SP8: variants seen among roughly 807,000 people sequenced by gnomAD.
SP8 encodes the protein transcription factor Sp8.
In SP8, 7 loss-of-function variants were observed where a neutral mutation model predicts 15.3. The observed-to-expected ratio is 0.46, with a 90% CI of 0.26 to 0.86. SP8 has a LOEUF of 0.86. Among genes scored for constraint, SP8 ranks in the 40% least tolerant of loss-of-function variants. SP8 has a pLI of 0.16. For missense variants in SP8, 731 were observed against 736.4 expected, an observed-to-expected ratio of 0.99 and a Z score of 0.09; for synonymous variants, 415 against 356.3, an observed-to-expected ratio of 1.16 and a Z score of -1.86.
In SP8 at chr7:20,785,334, G is replaced by GAGTCGGA. The variant is rs1583485104; in HGVS notation, c.482_483insTCCGACT (p.Gly162ProfsTer49). On this transcript the variant is annotated frameshift_variant, in exon 2 of 2. Coordinates refer to ENST00000418710, the MANE Select transcript of SP8 (RefSeq NM_182700.6). LOFTEE classifies it low-confidence loss of function (END_TRUNC). The surrounding 1 kb of genome is among the most constrained non-coding windows in gnomAD (Gnocchi z 7.2). Reference sequence around the variant, plus strand: ...AGTGCGCGGAGGAGCCGCCGCCGCCGCCCCCGCCGCCGCCGCCGCTGCCCC... The same window carrying GAGTCGGA: ...AGTGCGCGGAGGAGCCGCCGCCGCCGAGTCGGACCCCCGCCGCCGCCGCCGCTGCCCC... 2.3e-6 allele frequency: 3 copies of GAGTCGGA among 1,324,172 alleles called. No individual in the cohort carries two copies. The highest frequency in any genetic ancestry group is 2.0e-6 in the Non-Finnish European group (2 of 982,044). 82.0% of individuals were successfully genotyped at this position (1,324,172 alleles called of 1,614,324 possible). A position where few individuals can be genotyped will look rare whatever the true frequency, so the allele number is the denominator to read the frequency against.
In SP8 at chr7:20,784,470, G is replaced by A. The variant is rs1240087783; in HGVS notation, c.1347C>T (p.Leu449=). The change falls in exon 2 of 2, where the codon CTC becomes CTT. Residue 449 remains leucine, a synonymous_variant. Coordinates refer to ENST00000418710, the MANE Select transcript of SP8 (RefSeq NM_182700.6). ...CACTGTGCGTCTTCACGTGCTTGCTGAGGTGGTCGCTGCGCATGAAGCGCT... is the reference window on the plus strand; with the variant it reads ...CACTGTGCGTCTTCACGTGCTTGCTAAGGTGGTCGCTGCGCATGAAGCGCT... ...CNKRFMRSDH[L]SKHVKTHSGG... is the part of the protein sequence containing the mutation. The A allele has an allele frequency of 1.9e-6, 3 of 1,550,684 alleles. No homozygotes were observed. The highest frequency in any genetic ancestry group is 2.6e-6 in the Non-Finnish European group (3 of 1,148,632).
In SP8 at chr7:20,785,540, C is replaced by A; in HGVS notation, c.277G>T (p.Ala93Ser). 1 of 1,303,374 alleles carries A rather than the reference C, an allele frequency of 7.7e-7. No individual in the cohort carries two copies. Among genetic ancestry groups the A allele is most frequent in the Non-Finnish European group, 1.0e-6 (1 of 1,002,070 alleles). 80.7% of individuals were successfully genotyped at this position (1,303,374 alleles called of 1,614,324 possible). A position where few individuals can be genotyped will look rare whatever the true frequency, so the allele number is the denominator to read the frequency against. ...SSSAAAAAAA[A>S]AAAAAALVSD... ...ACCAGGGCCGCGGCAGCCGCGGCTG[C>A]TGCCGCGGCCGCCGCAGCCGCCGAG... Residue 93 changes from alanine (A) to serine (S), a missense_variant, in exon 2 of 2, where the codon GCA (alanine) becomes TCA (serine). Ala to Ser is a moderately conservative substitution (Grantham distance 99). Coordinates refer to ENST00000418710, the MANE Select transcript of SP8 (RefSeq NM_182700.6). This position sits in a 1 kb window ranked among gnomAD's most constrained non-coding sequence, Gnocchi z 7.2.
chr7:20,786,706 C>A lies in SP8; in HGVS notation c.21+72G>T, dbSNP rs369591113. On this transcript the variant is annotated intron_variant, in intron 1 of 1. Transcript: ENST00000418710. This position sits in a 1 kb window ranked among gnomAD's most constrained non-coding sequence, Gnocchi z 4.4. ...CTGATAGCCCGTGGCCTGGCCGGGG[C>A]GACTTTAACCCCCTCCAATCGGCAA... The A allele has an allele frequency of 8.8e-5, 121 of 1,372,404 alleles. No homozygotes were observed. The African/African-American group carries it at 1.1e-3, about 13-fold the overall frequency. The allele number at this position is 1,372,404 out of a possible 1,614,324, so 85.0% of individuals were successfully genotyped here. A position where few individuals can be genotyped will look rare whatever the true frequency, so the allele number is the denominator to read the frequency against.
chr7:20,786,664 A>AT lies in SP8; in HGVS notation c.21+113_21+114insA. 3 of 808,100 alleles carry AT rather than the reference A, an allele frequency of 3.7e-6. No homozygotes were observed. The highest frequency in any genetic ancestry group is 1.7e-5 in the African/African-American group (1 of 57,398). 50.1% of individuals were successfully genotyped at this position (808,100 alleles called of 1,614,324 possible). A position where few individuals can be genotyped will look rare whatever the true frequency, so the allele number is the denominator to read the frequency against. On this transcript the variant is annotated intron_variant, in intron 1 of 1. Coordinates refer to ENST00000418710, the MANE Select transcript of SP8 (RefSeq NM_182700.6). This position sits in a 1 kb window ranked among gnomAD's most constrained non-coding sequence, Gnocchi z 4.4. ...CTTGTATTTAAAGAAAAAAAAAAAA[A>AT]GCTCTCAATAGAGAGACTGATAGCC...
At position 20,784,283 on chromosome 7, in the gene SP8, G is replaced by T. The variant is rs1473149340; in HGVS notation, c.*7C>A. The T allele has an allele frequency of 1.4e-6, 2 of 1,460,424 alleles. No homozygotes were observed. Among genetic ancestry groups the T allele is most frequent in the African/African-American group, 2.9e-5 (2 of 67,822 alleles). 90.5% of individuals were successfully genotyped at this position (1,460,424 alleles called of 1,614,324 possible). ...GGTCGGGGAGAGGGGCGGGCGCAGGGTGGGCGTCACTCTAGGCCGTTGCGG... is the reference window on the plus strand; with the variant it reads ...GGTCGGGGAGAGGGGCGGGCGCAGGTTGGGCGTCACTCTAGGCCGTTGCGG... On this transcript the variant is annotated 3_prime_UTR_variant, in exon 2 of 2. Transcript: ENST00000418710.
rs780120924 is a variant in SP8, at chr7:20,785,535, G to GGCTGCTGCCGCGGCCGCCGCA, written c.261_281dup (p.Ala93_Ala99dup). ...CGGACACCAGGGCCGCGGCAGCCGC[G>GGCTGCTGCCGCGGCCGCCGCA]GCTGCTGCCGCGGCCGCCGCAGCCG... On this transcript the variant is annotated inframe_insertion, in exon 2 of 2. Transcript: ENST00000418710. This position sits in a 1 kb window ranked among gnomAD's most constrained non-coding sequence, Gnocchi z 7.2. The GGCTGCTGCCGCGGCCGCCGCA allele has an allele frequency of 4.2e-6, 5 of 1,194,688 alleles. No homozygotes were observed. Among genetic ancestry groups the GGCTGCTGCCGCGGCCGCCGCA allele is most frequent in the East Asian group, 5.1e-5 (1 of 19,464 alleles). 74.0% of individuals were successfully genotyped at this position (1,194,688 alleles called of 1,614,324 possible).
Position 20,783,994 on chromosome 7 carries a change from G to C in SP8, c.*296C>G, listed in dbSNP as rs1038834270. On this transcript the variant is annotated 3_prime_UTR_variant, in exon 2 of 2. Transcript: ENST00000418710. ...GTGGAGGAGGGGAGGACAAGGAAGAGAGAACGAGAAATAAAGGCCCGACGA... is the reference window on the plus strand; with the variant it reads ...GTGGAGGAGGGGAGGACAAGGAAGACAGAACGAGAAATAAAGGCCCGACGA... The C allele has an allele frequency of 5.2e-5, 22 of 419,066 alleles. No individual in the cohort carries two copies. The highest frequency in any genetic ancestry group is 4.4e-4 in the African/African-American group (21 of 48,048). 26.0% of individuals were successfully genotyped at this position (419,066 alleles called of 1,614,324 possible). A position where few individuals can be genotyped will look rare whatever the true frequency, so the allele number is the denominator to read the frequency against.
Position 20,785,655 on chromosome 7 carries a change from G to A in SP8, c.162C>T (p.Ser54=). The part of the protein sequence containing the change: ...FGKGFHPWKR[S]SSSSSASCNV... ...TGCAGCTGGCGGAAGAAGAGGACGA[G>A]GAGCGTTTCCAGGGGTGGAAGCCTT... Residue 54 remains serine (S), a synonymous_variant, in exon 2 of 2, where the codon TCC becomes TCT. Transcript: ENST00000418710. The surrounding 1 kb of genome is among the most constrained non-coding windows in gnomAD (Gnocchi z 7.2). The A allele has an allele frequency of 1.9e-6, 3 of 1,613,948 alleles. No homozygotes were observed. Among genetic ancestry groups the A allele is most frequent in the Non-Finnish European group, 2.5e-6 (3 of 1,179,982 alleles).
At position 20,785,715 on chromosome 7, in the gene SP8, G is replaced by A. The variant is rs1562607477; in HGVS notation, c.102C>T (p.Pro34=). The change falls in exon 2 of 2, where the codon CCC becomes CCT. Residue 34 remains proline, a synonymous_variant. Transcript: ENST00000418710. The surrounding 1 kb of genome is among the most constrained non-coding windows in gnomAD (Gnocchi z 7.2). ...AAGAAGAGCTGTCCGAGAGGGAGGA[G>A]GGAGACGGGCTGGGGCTGCCTATCT... ...CNKIGSPSPS[P]SSLSDSSSSF... is the part of the protein sequence containing the mutation. 3 of 1,613,978 alleles carry A rather than the reference G, an allele frequency of 1.9e-6. No individual in the cohort carries two copies. Among genetic ancestry groups the A allele is most frequent in the Non-Finnish European group, 1.7e-6 (2 of 1,179,990 alleles).
rs746653622 is a variant in SP8, at chr7:20,785,263, G to T, written c.554C>A (p.Thr185Asn). 14 of 1,588,948 alleles carry T rather than the reference G, an allele frequency of 8.8e-6. No homozygotes were observed. The highest frequency in any genetic ancestry group is 1.1e-5 in the South Asian group (1 of 88,078). ...GATGCCCTGCAGCCCGTCCACAGAG[G>T]TGTGCACCTTGGAGATGAACACCGG... is the stretch of plus-strand genomic sequence containing the variant. ...HQPVFISKVH[T>N]SVDGLQGIYP... Residue 185 changes from threonine (T) to asparagine (N), a missense_variant, in exon 2 of 2, where the codon ACC (threonine) becomes AAC (asparagine). By Grantham distance (65) the Thr-to-Asn change is moderately conservative (BLOSUM62 0). Transcript: ENST00000418710. The surrounding 1 kb of genome is among the most constrained non-coding windows in gnomAD (Gnocchi z 7.2).
In SP8 at chr7:20,785,677, C is replaced by T; in HGVS notation, c.140G>A (p.Gly47Asp). Residue 47 changes from glycine to aspartate, a missense_variant, in exon 2 of 2, where the codon GGC (glycine) becomes GAC (aspartate). Physicochemically the swap from Gly to Asp is moderately conservative, Grantham distance 94. Transcript: ENST00000418710. This position sits in a 1 kb window ranked among gnomAD's most constrained non-coding sequence, Gnocchi z 7.2. ...LSDSSSSFGK[G>D]FHPWKRSSSS... ...CGAGGAGCGTTTCCAGGGGTGGAAGCCTTTGCCGAAGGAAGAAGAGCTGTC... is the reference window on the plus strand; with the variant it reads ...CGAGGAGCGTTTCCAGGGGTGGAAGTCTTTGCCGAAGGAAGAAGAGCTGTC... 1 of 1,613,924 alleles carries T rather than the reference C, an allele frequency of 6.2e-7. No individual in the cohort carries two copies. The highest frequency in any genetic ancestry group is 8.5e-7 in the Non-Finnish European group (1 of 1,179,992).
In SP8 at chr7:20,784,721, C is replaced by A. The variant is rs1323488068; in HGVS notation, c.1096G>T (p.Ala366Ser). ...TGCAGGCCCTTGCGCCGCAAGCTCG[C>A]CCCGGCAGGGCCCAGCCGCTCTGCC... is the stretch of plus-strand genomic sequence containing the variant. ...QEAERLGPAG[A>S]SLRRKGLHSC... Residue 366 changes from alanine to serine, a missense_variant, in exon 2 of 2, where the codon GCG becomes TCG. Transcript: ENST00000418710. 3 of 1,596,492 alleles carry A rather than the reference C, an allele frequency of 1.9e-6. No homozygotes were observed. Among genetic ancestry groups the A allele is most frequent in the African/African-American group, 1.4e-5 (1 of 73,474 alleles).
Position 20,785,174 on chromosome 7 carries a change from C to T in SP8, c.643G>A (p.Gly215Ser), listed in dbSNP as rs1267324942. 4.4e-6 allele frequency: 7 copies of T among 1,598,636 alleles called. No homozygotes were observed. In the South Asian group the frequency reaches 6.7e-5, roughly 15 times the overall value. The change falls in exon 2 of 2, where the codon GGT (glycine) becomes AGT (serine). Residue 215 changes from glycine to serine, a missense_variant. Physicochemically the swap from Gly to Ser is moderately conservative, Grantham distance 56 (BLOSUM62 0). Around this residue, in one of 3 missense-constraint regions of SP8, gnomAD observed 586 missense variants for 524.9 expected, o/e 1.12. Transcript: ENST00000418710. The surrounding 1 kb of genome is among the most constrained non-coding windows in gnomAD (Gnocchi z 7.2). ...SWFKPSHPGL[G>S]AAGEVGSAGA... Reference sequence around the variant, plus strand: ...GCCGAGCCCACCTCGCCCGCAGCACCCAGGCCCGGGTGCGAGGGCTTAAAC... The same window carrying T: ...GCCGAGCCCACCTCGCCCGCAGCACTCAGGCCCGGGTGCGAGGGCTTAAAC...
chr7:20,786,015 C>T lies in SP8; in HGVS notation c.22-220G>A. ...TACAGGAGGGGACAAGTTTGGCTGC[C>T]GGCGTCTGATTCGGGAGCAAGCACC... On this transcript the variant is annotated intron_variant, in intron 1 of 1. Transcript: ENST00000418710. This position sits in a 1 kb window ranked among gnomAD's most constrained non-coding sequence, Gnocchi z 4.4. 6.4e-6 allele frequency: 9 copies of T among 1,399,654 alleles called. No homozygotes were observed. The highest frequency in any genetic ancestry group is 1.7e-5 in the South Asian group (1 of 59,936). The allele number at this position is 1,399,654 out of a possible 1,614,324, so 86.7% of individuals were successfully genotyped here.
rs758395577 is a variant in SP8 at position 20,786,100 on chromosome 7, G to A, written c.22-305C>T. The A allele has an allele frequency of 3.4e-5, 35 of 1,036,020 alleles. No homozygotes were observed. The highest frequency in any genetic ancestry group is 4.0e-5 in the Non-Finnish European group (33 of 823,616). 64.2% of individuals were successfully genotyped at this position (1,036,020 alleles called of 1,614,324 possible). On this transcript the variant is annotated intron_variant, in intron 1 of 1. Coordinates refer to ENST00000418710, the MANE Select transcript of SP8 (RefSeq NM_182700.6). The surrounding 1 kb of genome is among the most constrained non-coding windows in gnomAD (Gnocchi z 4.4). ...AAAACAACACTCTCTTGCACACAAAGCCCCAGACACTTCGTAACAAACAAG... is the reference window on the plus strand; with the variant it reads ...AAAACAACACTCTCTTGCACACAAAACCCCAGACACTTCGTAACAAACAAG...
rs1205287201 is a variant in SP8, at chr7:20,784,805, G to A, written c.1012C>T (p.Arg338Cys). 1.3e-6 allele frequency: 2 copies of A among 1,530,362 alleles called. No individual in the cohort carries two copies. Among genetic ancestry groups the A allele is most frequent in the East Asian group, 2.5e-5 (1 of 40,104 alleles). 94.8% of individuals were successfully genotyped at this position (1,530,362 alleles called of 1,614,324 possible). ...GPSAPLGGSP[R>C]SSARRYSGRA... ...CCGGAGTAGCGGCGAGCTGAGGAGC[G>A]CGGGGAGCCCCCCAGCGGCGCCGAA... Residue 338 changes from arginine to cysteine, a missense_variant, in exon 2 of 2, where the codon CGC becomes TGC. By Grantham distance (180) the Arg-to-Cys change is radical. Coordinates refer to ENST00000418710, the MANE Select transcript of SP8 (RefSeq NM_182700.6).
rs1038394102 is a variant in SP8 at position 20,784,262 on chromosome 7, G to A, written c.*28C>T. 4 of 1,440,168 alleles carry A rather than the reference G, an allele frequency of 2.8e-6. No individual in the cohort carries two copies. In the East Asian group the frequency reaches 1.1e-4, roughly 41 times the overall value. The allele number at this position is 1,440,168 out of a possible 1,614,324, so 89.2% of individuals were successfully genotyped here. On this transcript the variant is annotated 3_prime_UTR_variant, in exon 2 of 2. Coordinates refer to ENST00000418710, the MANE Select transcript of SP8 (RefSeq NM_182700.6). Reference sequence around the variant, plus strand: ...CAAGAGGACTTGGTGGGAGGAGGTCGGGGAGAGGGGCGGGCGCAGGGTGGG... The same window carrying A: ...CAAGAGGACTTGGTGGGAGGAGGTCAGGGAGAGGGGCGGGCGCAGGGTGGG...
Position 20,785,256 on chromosome 7 carries a change from C to A in SP8, c.561G>T (p.Val187=). ...GCGGGTAGATGCCCTGCAGCCCGTC[C>A]ACAGAGGTGTGCACCTTGGAGATGA... ...PVFISKVHTS[V]DGLQGIYPRV... The change falls in exon 2 of 2, where the codon GTG becomes GTT. Residue 187 remains valine, a synonymous_variant. Transcript: ENST00000418710. The surrounding 1 kb of genome is among the most constrained non-coding windows in gnomAD (Gnocchi z 7.2). 1.3e-6 allele frequency: 2 copies of A among 1,595,376 alleles called. No homozygotes were observed. Among genetic ancestry groups the A allele is most frequent in the Non-Finnish European group, 1.7e-6 (2 of 1,172,946 alleles).
chr7:20,786,016 G>A lies in SP8; in HGVS notation c.22-221C>T. On this transcript the variant is annotated intron_variant, in intron 1 of 1. Coordinates refer to ENST00000418710, the MANE Select transcript of SP8 (RefSeq NM_182700.6). The surrounding 1 kb of genome is among the most constrained non-coding windows in gnomAD (Gnocchi z 4.4). ...ACAGGAGGGGACAAGTTTGGCTGCC[G>A]GCGTCTGATTCGGGAGCAAGCACCA... 1 of 1,402,892 alleles carries A rather than the reference G, an allele frequency of 7.1e-7. No homozygotes were observed. The highest frequency in any genetic ancestry group is 9.3e-7 in the Non-Finnish European group (1 of 1,080,598). 86.9% of individuals were successfully genotyped at this position (1,402,892 alleles called of 1,614,324 possible). A position where few individuals can be genotyped will look rare whatever the true frequency, so the allele number is the denominator to read the frequency against.
Sources: allele counts gnomAD v4.1 joint callset, GRCh38; gene constraint gnomAD v4.1.1; regional missense constraint gnomAD v4.1.1; non-coding constraint Gnocchi (gnomAD v3.1); transcripts MANE v1.5; gene names NCBI Gene and HGNC (gene_info 2026-07-23, HGNC 2026-07-21).